Variants in BCAS3 observed in about 807,000 individuals in gnomAD.
BCAS3 encodes the protein BCAS4/BCAS3 fusion.
In BCAS3, 53 loss-of-function variants were observed where a neutral mutation model predicts 116.1. The ratio of observed to expected loss-of-function variants is 0.46; its 90% CI spans 0.37 to 0.57. The LOEUF (loss-of-function observed/expected upper bound fraction) is 0.57. Ranked by LOEUF, BCAS3 falls within the 20% of genes least tolerant of loss-of-function variation. The pLI is 0.00. For missense variants in BCAS3, 917 were observed against 1,165.4 expected (o/e 0.79, Z 3.10); for synonymous variants, 391 against 408.2 (o/e 0.96, Z 0.51).
rs1312379945 is a variant in BCAS3, at chr17:61,379,541, A to G, written c.2593+11047A>G. 1 of 152,160 alleles carries G rather than the reference A, an allele frequency of 6.6e-6. No homozygotes were observed. Among genetic ancestry groups the G allele is most frequent in the African/African-American group, 2.4e-5 (1 of 41,420 alleles). 9.4% of individuals were successfully genotyped at this position (152,160 alleles called of 1,614,324 possible). A position where few individuals can be genotyped will look rare whatever the true frequency, so the allele number is the denominator to read the frequency against. On this transcript the variant is annotated intron_variant, in intron 23 of 23. Transcript: ENST00000407086. The surrounding 1 kb of genome is among the most constrained non-coding windows in gnomAD (Gnocchi z 5.5). ...GTGAAGTTCCCTAGTAGAAGAAGGC[A>G]TTTTGGAGCCCATCCCGGAAACAGC...
intron 19 of BCAS3, among the ~76,000 whole-genome samples, chr17:61,044,844 T>G (rs2067898311): frequency 6.6e-6 from 1 of 151,206 alleles, no homozygotes; most frequent in South Asian, 2.1e-4. Flanking sequence ...CCATCTCAGC[T>G]CACCACAACC....
chr17:60,769,571 G>C (rs969066549), intron 6 of BCAS3, among the ~76,000 whole-genome samples: 1 of 152,100 alleles, frequency 6.6e-6, no homozygotes, highest in African/African-American at 2.4e-5. Context: ...CGTGGGGAAG[G>C]GGGAGGGCCC....
intron 7 of BCAS3, among the ~76,000 whole-genome samples, chr17:60,824,651 G>A (rs977719079): frequency 6.6e-6 from 1 of 152,138 alleles, no homozygotes; most frequent in Admixed American, 6.5e-5. Context: ...AGTAATTCTT[G>A]CTCAGCTCTG....
chr17:60,798,370 C>G (rs1310785032), intron 6 of BCAS3, among the ~76,000 whole-genome samples: 1 of 152,188 alleles, frequency 6.6e-6, no homozygotes, highest in Non-Finnish European at 1.5e-5. Flanking sequence ...TCATGTCTTC[C>G]TCCTAATTCC....
At chr17:60,906,396 T>C (rs1404921872) in intron 11 of BCAS3, among the ~76,000 whole-genome samples, 1 of 152,186 alleles carries the variant, frequency 6.6e-6, no homozygotes, top group African/African-American at 2.4e-5. Context: ...GGTCACCTTA[T>C]TGCTGTAGGT....
At chr17:60,907,431 G>C (rs994372820) in intron 11 of BCAS3, among the ~76,000 whole-genome samples, 1 of 152,160 alleles carries the variant, frequency 6.6e-6, no homozygotes, top group Admixed American at 6.6e-5. Flanking sequence ...CAGCTTTTGT[G>C]AGAGCAGCAC....
chr17:60,755,351 T>TC, intron 6 of BCAS3, among the ~76,000 whole-genome samples: 1 of 152,328 alleles, frequency 6.6e-6, no homozygotes, highest in South Asian at 2.1e-4. Flanking sequence ...TTACCACTTT[T>TC]CCACTATTCT....
rs1321209908 is a variant in BCAS3 at position 61,161,828 on chromosome 17, G to GA, written c.2425+77268dup. Among the ~76,000 whole-genome samples, 4 of 152,162 alleles carry GA rather than the reference G, an allele frequency of 2.6e-5. No homozygotes were observed. The highest frequency in any genetic ancestry group is 4.4e-5 in the Non-Finnish European group (3 of 68,040). ...TATATTTAACTCGTCGCTTGTTCTG[G>GA]AAAAGTAGTAGTACTGCCTTCTCTG... On this transcript the variant is annotated intron_variant, in intron 22 of 23. Transcript: ENST00000407086. The surrounding 1 kb of genome is among the most constrained non-coding windows in gnomAD (Gnocchi z 4.8).
chr17:60,847,755 A>G (rs1024755360), intron 7 of BCAS3, among the ~76,000 whole-genome samples: 1 of 152,066 alleles, frequency 6.6e-6, no homozygotes, highest in African/African-American at 2.4e-5. Context: ...CTTATTTGAT[A>G]TATTATTTAC....
chr17:60,895,262 T>A (rs1463259837), intron 10 of BCAS3, among the ~76,000 whole-genome samples: 1 of 152,182 alleles, frequency 6.6e-6, no homozygotes, highest in Non-Finnish European at 1.5e-5. Context: ...AGATTTCTGT[T>A]TTTTCCTGAT....
At chr17:60,972,964 T>C (rs2145355686) in intron 14 of BCAS3, among the ~76,000 whole-genome samples, 1 of 152,356 alleles carries the variant, frequency 6.6e-6, no homozygotes, top group Admixed American at 6.5e-5. Context: ...TGAGACTTTT[T>C]ATCCGAGCAT....
intron 7 of BCAS3, among the ~76,000 whole-genome samples, chr17:60,866,218 A>T (rs2054580346): frequency 6.6e-6 from 1 of 151,572 alleles, no homozygotes; most frequent in Non-Finnish European, 1.5e-5. Flanking sequence ...GATTGAAATC[A>T]GTTTCAAGCG....
intron 22 of BCAS3, among the ~76,000 whole-genome samples, chr17:61,176,594 G>A (rs1353699074): frequency 6.6e-6 from 1 of 151,572 alleles, no homozygotes; most frequent in African/African-American, 2.4e-5. Context: ...GTCTTGCTGT[G>A]TCACCCAGGC....
rs1280373689 is a variant in BCAS3 at position 61,084,180 on chromosome 17, C to T, written c.2328-287C>T. ...GTGTTTAATTTCCTCTCCCATTCTA[C>T]TTATTGTATCCCTTTAAATTAATGT... On this transcript the variant is annotated intron_variant, in intron 21 of 23. Coordinates refer to ENST00000407086, the MANE Select transcript of BCAS3 (RefSeq NM_017679.5). This position sits in a 1 kb window ranked among gnomAD's most constrained non-coding sequence, Gnocchi z 5.5. Among the ~76,000 whole-genome samples, 3 of 151,410 alleles carry T rather than the reference C, an allele frequency of 2.0e-5. No homozygotes were observed. Among genetic ancestry groups the T allele is most frequent in the African/African-American group, 4.9e-5 (2 of 40,698 alleles).
chr17:61,116,266 A>AATC (rs1555725368), intron 22 of BCAS3, among the ~76,000 whole-genome samples: 5,730 of 151,300 alleles, frequency 0.038, 157 homozygotes, highest in African/African-American at 0.055. Context: ...ATAAATAAAT[A>AATC]AATAAATAAA....
chr17:61,317,151 A>G (rs917774822), intron 22 of BCAS3, among the ~76,000 whole-genome samples: 1 of 152,226 alleles, frequency 6.6e-6, no homozygotes, highest in African/African-American at 2.4e-5. Context: ...ATCATATTAT[A>G]TTTAGCTCTT....
intron 7 of BCAS3, among the ~76,000 whole-genome samples, chr17:60,867,845 C>T (rs2054753158): frequency 6.6e-6 from 1 of 152,068 alleles, no homozygotes; most frequent in African/African-American, 2.4e-5. Flanking sequence ...TTCCTACATC[C>T]TGATTTTAGG....
At chr17:61,384,854 C>T (rs2059770036) in intron 23 of BCAS3, among the ~76,000 whole-genome samples, 1 of 152,202 alleles carries the variant, frequency 6.6e-6, no homozygotes, top group Non-Finnish European at 1.5e-5. Context: ...GCAGCCAGCT[C>T]TGAAGCCTGA....
intron 22 of BCAS3, among the ~76,000 whole-genome samples, chr17:61,117,647 A>C (rs1472617452): frequency 6.6e-6 from 1 of 152,142 alleles, no homozygotes; most frequent in Non-Finnish European, 1.5e-5. Context: ...TCTTTTTTAT[A>C]TCTTTTACTT....
Sources: gnomAD v4.1 joint callset for allele counts (sites outside exome capture counted in the v4.1 genomes callset) on GRCh38, gnomAD v4.1.1 for gene constraint, Gnocchi (gnomAD v3.1) non-coding constraint, MANE v1.5 for transcripts, NCBI Gene and HGNC (gene_info 2026-07-23, HGNC 2026-07-21) for gene names.